Variants in SMAD2 observed in about 807,000 individuals in gnomAD.
SMAD2 encodes the protein SMAD family member 2, also known as MAD homolog 2.
SMAD2 carries 8 observed loss-of-function variants against 64.4 expected under a neutral mutation model. The observed-to-expected ratio is 0.12, with a 90% CI of 0.07 to 0.22. The LOEUF (loss-of-function observed/expected upper bound fraction) is 0.22. Ranked by LOEUF, SMAD2 falls within the 10% of genes least tolerant of loss-of-function variation. SMAD2 has a pLI of 1.00. For missense variants in SMAD2, 289 were observed against 561.2 expected, an observed-to-expected ratio of 0.51 and a Z score of 4.90; for synonymous variants, 203 against 195.8, an observed-to-expected ratio of 1.04 and a Z score of -0.31.
intron 1 of SMAD2, among the ~76,000 whole-genome samples, chr18:47,899,445 G>GA (rs1244096182): frequency 6.6e-6 from 1 of 152,048 alleles, no homozygotes; most frequent in African/African-American, 2.4e-5. Context: ...ATCAAATGTG[G>GA]AAAAAAAGTG....
rs1241844476 is a variant in SMAD2, at chr18:47,839,136, A to T, written c.*2691T>A. The stretch of plus-strand genomic sequence containing the variant: ...ACAACCAGGAAGTAAACTGCTCAAC[A>T]GGTATAACTGCTCAATAGGTGTTTT... On this transcript the variant is annotated 3_prime_UTR_variant, in exon 11 of 11. Coordinates refer to ENST00000262160, the MANE Select transcript of SMAD2 (RefSeq NM_005901.6). The T allele has an allele frequency of 4.3e-6, 1 of 233,296 alleles. No individual in the cohort carries two copies. The highest frequency in any genetic ancestry group is 8.5e-6 in the Non-Finnish European group (1 of 118,066). The allele number at this position is 233,296 out of a possible 1,614,324, so 14.5% of individuals were successfully genotyped here.
intron 2 of SMAD2, among the ~76,000 whole-genome samples, chr18:47,893,160 T>C (rs80356305): frequency 1.9e-4 from 29 of 152,338 alleles, no homozygotes; most frequent in South Asian, 1.0e-3. Flanking sequence ...GCAGCTTTTA[T>C]TGAGGTTAAG....
chr18:47,863,017 C>T (rs148496419), intron 6 of SMAD2, among the ~76,000 whole-genome samples: 1 of 152,118 alleles, frequency 6.6e-6, no homozygotes, highest in East Asian at 1.9e-4. Context: ...GTAACAAGTG[C>T]TTGTTCGTAC....
At chr18:47,926,179 A>G (rs548310952) in intron 1 of SMAD2, among the ~76,000 whole-genome samples, 1 of 152,238 alleles carries the variant, frequency 6.6e-6, no homozygotes, top group Non-Finnish European at 1.5e-5. Flanking sequence ...CATCTTGGTC[A>G]TAACAGCTAC....
chr18:47,896,341 C>T (rs774567736), intron 2 of SMAD2, among the ~76,000 whole-genome samples, 180 bp downstream of exon 2: 8 of 152,170 alleles, frequency 5.3e-5, no homozygotes, highest in South Asian at 2.1e-4. Flanking sequence ...TTAAACCTCA[C>T]TATTCAAGAA....
rs944760979 is a variant in SMAD2, at chr18:47,828,726, G to A, written c.*13101C>T. ...GATGTGCTTTGTTAAACAGATGCTT[G>A]AAGGCAGCATGCTCGTTAAGAGTCA... On this transcript the variant is annotated 3_prime_UTR_variant, in exon 11 of 11. Coordinates refer to ENST00000262160, the MANE Select transcript of SMAD2 (RefSeq NM_005901.6). The A allele has an allele frequency of 2.9e-5, 5 of 170,980 alleles. No homozygotes were observed. The highest frequency in any genetic ancestry group is 2.6e-4 in the Admixed American group (4 of 15,556). The allele number at this position is 170,980 out of a possible 1,614,324, so 10.6% of individuals were successfully genotyped here. A position where few individuals can be genotyped will look rare whatever the true frequency, so the allele number is the denominator to read the frequency against.
chr18:47,888,295 T>C (rs569747957), intron 2 of SMAD2, among the ~76,000 whole-genome samples: 165 of 152,240 alleles, frequency 1.1e-3, no homozygotes, highest in African/African-American at 3.9e-3. Context: ...CTAGGTGAAC[T>C]GACAAATGCC....
chr18:47,841,157 C>CAAA lies in SMAD2; in HGVS notation c.*667_*669dup, dbSNP rs767933446. Reference sequence around the variant, plus strand: ...AAGATTTAGCAGTTAAAAAAAAAAACAAAAAAAAACAAAAAACCACAAAAA... The same window carrying CAAA: ...AAGATTTAGCAGTTAAAAAAAAAAACAAAAAAAAAAAACAAAAAACCACAAAAA... On this transcript the variant is annotated 3_prime_UTR_variant, in exon 11 of 11. Transcript: ENST00000262160. The CAAA allele has an allele frequency of 0.016, 2,638 of 165,620 alleles. 54 individuals carry two copies. The highest frequency in any genetic ancestry group is 0.087 in the African/African-American group (2,398 of 27,716). 10.3% of individuals were successfully genotyped at this position (165,620 alleles called of 1,614,324 possible). A position where few individuals can be genotyped will look rare whatever the true frequency, so the allele number is the denominator to read the frequency against.
In SMAD2 at chr18:47,898,460, AAC is replaced by A. The variant is rs1008366830; in HGVS notation, c.-53-1653_-53-1652del. 9.8e-5 allele frequency among the ~76,000 whole-genome samples: 15 copies of A among 152,338 alleles called. 1 individual carries two copies. Among genetic ancestry groups the A allele is most frequent in the African/African-American group, 1.9e-4 (8 of 41,580 alleles). ...GGATAAAACATTTTTAAAGGAAAAAAACAGTTTTTAAGCACACTTTGCACATA... is the reference window on the plus strand; with the variant it reads ...GGATAAAACATTTTTAAAGGAAAAAAAGTTTTTAAGCACACTTTGCACATA... On this transcript the variant is annotated intron_variant, in intron 1 of 10. Transcript: ENST00000262160.
At position 47,818,288 on chromosome 18, in the gene SMAD2, G is replaced by T. The variant is rs1912440616; in HGVS notation, c.*23539C>A. On this transcript the variant is annotated 3_prime_UTR_variant, in exon 11 of 11. Transcript: ENST00000262160. ...ATTAATGGCTTTATAAATTATAATA[G>T]TTCCCTGGCAACCAACACCTAGAAT... 1 of 152,132 alleles carries T rather than the reference G, an allele frequency of 6.6e-6. No individual in the cohort carries two copies. Among genetic ancestry groups the T allele is most frequent in the Non-Finnish European group, 1.5e-5 (1 of 68,038 alleles). The allele number at this position is 152,132 out of a possible 1,614,324, so 9.4% of individuals were successfully genotyped here.
In SMAD2 at chr18:47,851,248, A is replaced by G. The variant is rs770121920; in HGVS notation, c.784+26T>C. 18 of 1,511,870 alleles carry G rather than the reference A, an allele frequency of 1.2e-5. 1 individual carries two copies. In the South Asian group the frequency reaches 1.9e-4, roughly 16 times the overall value. 93.7% of individuals were successfully genotyped at this position (1,511,870 alleles called of 1,614,324 possible). A position where few individuals can be genotyped will look rare whatever the true frequency, so the allele number is the denominator to read the frequency against. On this transcript the variant is annotated intron_variant, in intron 7 of 10. Transcript: ENST00000262160. ...AAGTAGGTGATACAGTATAAAAATG[A>G]TGAGGGGAACATATGTGCAACTTAC... is the stretch of plus-strand genomic sequence containing the variant.
chr18:47,910,450 A>G (rs1307874559), intron 1 of SMAD2, among the ~76,000 whole-genome samples: 2 of 152,248 alleles, frequency 1.3e-5, no homozygotes, highest in African/African-American at 4.8e-5. Flanking sequence ...CTTCCATTAC[A>G]TGGGCACTGA....
intron 7 of SMAD2, among the ~76,000 whole-genome samples, chr18:47,850,347 ATT>A (rs1491360093): frequency 9.3e-5 from 4 of 43,162 alleles, no homozygotes; most frequent in South Asian, 7.0e-4. Flanking sequence ...TGTTATATAT[ATT>A]ATACATAATA....
intron 7 of SMAD2, among the ~76,000 whole-genome samples, chr18:47,849,487 G>GTATATATA (rs10584029): frequency 6.1e-5 from 9 of 148,278 alleles, no homozygotes; most frequent in African/African-American, 2.2e-4. Flanking sequence ...AGAAATGTAT[G>GTATATATA]TATATATATA....
chr18:47,917,389 A>G (rs1402561625), intron 1 of SMAD2, among the ~76,000 whole-genome samples: 2 of 152,172 alleles, frequency 1.3e-5, no homozygotes, highest in Admixed American at 6.5e-5. Context: ...CACTTGTAAA[A>G]TACAGTTGGT....
chr18:47,905,959 A>G (rs1281101390), intron 1 of SMAD2, among the ~76,000 whole-genome samples: 2 of 151,982 alleles, frequency 1.3e-5, no homozygotes, highest in Admixed American at 6.6e-5. Context: ...TAAAAAACAA[A>G]AAATACAAAA....
intron 1 of SMAD2, among the ~76,000 whole-genome samples, chr18:47,927,677 A>G (rs948027537): frequency 2.0e-5 from 3 of 152,222 alleles, no homozygotes; most frequent in Non-Finnish European, 2.9e-5. Flanking sequence ...AGGTGGGCGG[A>G]TCACCTGAGG....
intron 1 of SMAD2, chr18:47,912,475 A>C (rs980716890): frequency 6.6e-6 from 1 of 152,276 alleles, no homozygotes; most frequent in Admixed American, 6.5e-5. Flanking sequence ...ACATGCCTTT[A>C]TGTAAGTAAC....
At chr18:47,916,361 T>C (rs2034335574) in intron 1 of SMAD2, among the ~76,000 whole-genome samples, 1 of 152,140 alleles carries the variant, frequency 6.6e-6, no homozygotes, top group Admixed American at 6.5e-5. Context: ...TCTGGTGTTT[T>C]GCTTGAGGAC....
Sources: gnomAD v4.1 joint callset for allele counts (sites outside exome capture counted in the v4.1 genomes callset) on GRCh38, gnomAD v4.1.1 for gene constraint, MANE v1.5 for transcripts, NCBI Gene and HGNC (gene_info 2026-07-23, HGNC 2026-07-21) for gene names.